The following LARGE1 variants were observed in gnomAD, a reference collection of about 807,000 sequenced individuals.
LARGE1 encodes the protein LARGE xylosyl- and glucuronyltransferase 1.
In LARGE1, 43 loss-of-function variants were observed where a neutral mutation model predicts 87.6. The observed-to-expected ratio is 0.49, with a 90% confidence interval of 0.38 to 0.63. LARGE1 has a LOEUF of 0.63. Ranked by LOEUF, LARGE1 falls within the 30% of genes least tolerant of loss-of-function variation. The pLI is 0.00. For missense variants in LARGE1, 802 were observed against 1,000.2 expected, an observed-to-expected ratio of 0.80 and a Z score of 2.67; for synonymous variants, 434 against 394.6, an observed-to-expected ratio of 1.10 and a Z score of -1.18.
rs118141764 is a variant in LARGE1, at chr22:33,812,366, C to T, written c.-82-50808G>A. 4.0e-3 allele frequency among the ~76,000 whole-genome samples: 608 copies of T among 152,294 alleles called. 7 individuals are homozygous for T. The highest frequency in any genetic ancestry group is 0.014 in the African/African-American group (574 of 41,562). ...GACAGTCACTTGGCTTCATTTTGGACGAGGCTCTTTTTGACATGTAATGTC... is the reference window on the plus strand; with the variant it reads ...GACAGTCACTTGGCTTCATTTTGGATGAGGCTCTTTTTGACATGTAATGTC... On this transcript the variant is annotated intron_variant, in intron 1 of 14. Transcript: ENST00000397394.
At chr22:33,107,740 T>G in the LARGE1 span, among the ~76,000 whole-genome samples, 2 of 151,226 alleles carry the variant, frequency 1.3e-5, no homozygotes, top group Non-Finnish European at 2.9e-5. Context: ...CAGTGGCACA[T>G]ACCAGTTGAC....
the LARGE1 span, among the ~76,000 whole-genome samples, chr22:33,122,359 CTTT>C: frequency 7.6e-6 from 1 of 132,324 alleles, no homozygotes; most frequent in Non-Finnish European, 1.6e-5. Flanking sequence ...TTTTCTTTTT[CTTT>C]TTTTTTTTTT....
At chr22:33,619,588 A>C (rs538277862) in intron 4 of LARGE1, among the ~76,000 whole-genome samples, 1 of 151,866 alleles carries the variant, frequency 6.6e-6, no homozygotes, top group Admixed American at 6.6e-5. Context: ...AAGAAAAAAG[A>C]AGCATGATAC....
intron 1 of LARGE1, among the ~76,000 whole-genome samples, chr22:33,871,777 G>A (rs1039169725): frequency 2.0e-5 from 3 of 151,622 alleles, no homozygotes; most frequent in African/African-American, 4.8e-5. Flanking sequence ...GAACCACACC[G>A]GTGACCTACA....
chr22:33,469,779 G>C (rs2068753335), intron 6 of LARGE1, among the ~76,000 whole-genome samples: 1 of 150,082 alleles, frequency 6.7e-6, no homozygotes, highest in African/African-American at 2.5e-5. Flanking sequence ...AGTCAGCCAA[G>C]ATCGCACCAC....
At chr22:33,901,060 A>AG (rs779846706) in intron 1 of LARGE1, among the ~76,000 whole-genome samples, 10 of 151,978 alleles carry the variant, frequency 6.6e-5, no homozygotes, top group Non-Finnish European at 1.0e-4. Flanking sequence ...AAAAAAAGGG[A>AG]GGGGGGGTTG....
intron 6 of LARGE1, among the ~76,000 whole-genome samples, chr22:33,553,180 G>C (rs1318158358): frequency 6.6e-6 from 1 of 152,148 alleles, no homozygotes; most frequent in African/African-American, 2.4e-5. Context: ...ACTGTTTAGA[G>C]GTATGTAGAC....
chr22:33,533,456 T>C (rs966981113), intron 6 of LARGE1, among the ~76,000 whole-genome samples: 1 of 152,150 alleles, frequency 6.6e-6, no homozygotes, highest in Non-Finnish European at 1.5e-5. Flanking sequence ...TGCGGCAGGC[T>C]GCCTCGATTG....
intron 6 of LARGE1, among the ~76,000 whole-genome samples, chr22:33,535,138 G>A (rs754306298): frequency 6.6e-5 from 10 of 152,210 alleles, no homozygotes; most frequent in Non-Finnish European, 1.3e-4. Context: ...CCGTCAGGGC[G>A]TACGCCTTCT....
At chr22:33,111,132 G>A in the LARGE1 span, among the ~76,000 whole-genome samples, 4 of 152,290 alleles carry the variant, frequency 2.6e-5, no homozygotes, top group South Asian at 8.3e-4. Context: ...GGAGGAGCTG[G>A]TTGTAGTTAT....
intron 1 of LARGE1, among the ~76,000 whole-genome samples, chr22:33,784,011 T>C (rs1305430351): frequency 1.3e-5 from 2 of 152,136 alleles, no homozygotes; most frequent in Non-Finnish European, 2.9e-5. Flanking sequence ...TTTTTCTTTT[T>C]CCCCTTTTAG....
intron 6 of LARGE1, among the ~76,000 whole-genome samples, chr22:33,505,996 A>G (rs1405975071): frequency 1.3e-5 from 2 of 152,076 alleles, no homozygotes; most frequent in East Asian, 3.9e-4. Context: ...GTAGGTGCCA[A>G]TGTGCAAATC....
chr22:33,416,267 C>T (rs530672138), intron 7 of LARGE1, among the ~76,000 whole-genome samples: 1 of 152,284 alleles, frequency 6.6e-6, no homozygotes, highest in South Asian at 2.1e-4. Context: ...TAAAAACCAC[C>T]GTGTGTGCTG....
chr22:33,102,520 A>C, the LARGE1 span, among the ~76,000 whole-genome samples: 1 of 126,850 alleles, frequency 7.9e-6, no homozygotes, highest in Non-Finnish European at 1.7e-5. Flanking sequence ...AAGGAGTTTC[A>C]CTCTTGTTGC....
intron 6 of LARGE1, among the ~76,000 whole-genome samples, chr22:33,555,008 G>C (rs1269736763): frequency 7.9e-5 from 12 of 152,190 alleles, no homozygotes; most frequent in Admixed American, 7.9e-4. Context: ...TGCATCTGTG[G>C]ATTCAACCAA....
intron 6 of LARGE1, among the ~76,000 whole-genome samples, chr22:33,446,567 T>C (rs2067693359): frequency 1.3e-5 from 2 of 152,144 alleles, no homozygotes; most frequent in Admixed American, 6.5e-5. Context: ...AATCTGATCA[T>C]TGCTTTGTAT....
At chr22:33,903,491 T>C (rs1188850362) in intron 1 of LARGE1, among the ~76,000 whole-genome samples, 1 of 150,962 alleles carries the variant, frequency 6.6e-6, no homozygotes, top group Non-Finnish European at 1.5e-5. Context: ...AAAAAAAGAA[T>C]GGCAAAACAC....
chr22:33,753,074 C>T (rs1025646135), intron 2 of LARGE1, among the ~76,000 whole-genome samples: 1 of 152,046 alleles, frequency 6.6e-6, no homozygotes, highest in Non-Finnish European at 1.5e-5. Context: ...ACAAAAATTA[C>T]CTGGGCGTGG....
In LARGE1 at chr22:33,317,068, G is replaced by A. The variant is rs540048324; in HGVS notation, c.1288-820C>T. On this transcript the variant is annotated intron_variant, in intron 10 of 14. Coordinates refer to ENST00000397394, the MANE Select transcript of LARGE1 (RefSeq NM_133642.5). ...GTCTCCACAAAAAATACAAAAATTA[G>A]CCGGGCATGGTGGCGGACACCTGTA... is the stretch of plus-strand genomic sequence containing the variant. 2.9e-3 allele frequency among the ~76,000 whole-genome samples: 447 copies of A among 152,062 alleles called. 1 individual carries two copies. Among genetic ancestry groups the A allele is most frequent in the Non-Finnish European group, 3.6e-3 (244 of 67,982 alleles).
Sources: gnomAD v4.1 joint callset for allele counts (sites outside exome capture counted in the v4.1 genomes callset) on GRCh38, gnomAD v4.1.1 for gene constraint, MANE v1.5 for transcripts, NCBI Gene and HGNC (gene_info 2026-07-23, HGNC 2026-07-21) for gene names.